The following MTREX variants were observed in gnomAD, a reference collection of about 807,000 sequenced individuals.
MTREX encodes the protein Mtr4 exosome RNA helicase, also known as exosome RNA helicase MTR4.
A neutral mutation model predicts 135.4 loss-of-function variants in MTREX; 76 were observed. The observed-to-expected ratio is 0.56, with a 90% CI of 0.47 to 0.68. The LOEUF (loss-of-function observed/expected upper bound fraction) is 0.68. MTREX is among the 30% of genes least tolerant of loss of function. The probability of loss-of-function intolerance (pLI) is 0.00; values close to 1 mark genes in which losing one functional copy is unlikely to be tolerated. For missense variants in MTREX, 920 were observed against 1,262.1 expected (o/e 0.73, Z 4.11); for synonymous variants, 404 against 401.6 (o/e 1.01, Z -0.07).
intron 15 of MTREX, among the ~76,000 whole-genome samples, chr5:55,361,986 G>A (rs1024248826): frequency 6.6e-6 from 1 of 151,568 alleles, no homozygotes; most frequent in Admixed American, 6.6e-5. Flanking sequence ...GTGCAGTCTC[G>A]GCTCACTGCA....
chr5:55,313,311 G>A (rs965253054), intron 1 of MTREX, among the ~76,000 whole-genome samples: 5 of 151,558 alleles, frequency 3.3e-5, no homozygotes, highest in African/African-American at 1.2e-4. Context: ...CTTGTGGCAT[G>A]CACCTGTAGT....
intron 16 of MTREX, among the ~76,000 whole-genome samples, chr5:55,375,755 T>C (rs1218818142): frequency 1.3e-5 from 2 of 152,144 alleles, no homozygotes; most frequent in Non-Finnish European, 2.9e-5. Flanking sequence ...ATCTTTACAA[T>C]TTATGTTTAG....
At chr5:55,333,657 AG>A (rs1480239255) in intron 5 of MTREX, among the ~76,000 whole-genome samples, 110 of 152,262 alleles carry the variant, frequency 7.2e-4, no homozygotes, top group African/African-American at 2.6e-3. Context: ...AAACCTGATG[AG>A]GTTGGCTGTG....
intron 7 of MTREX, among the ~76,000 whole-genome samples, chr5:55,343,050 C>T (rs931902719): frequency 6.6e-6 from 1 of 152,176 alleles, no homozygotes; most frequent in African/African-American, 2.4e-5. Flanking sequence ...GCTGCCTTGT[C>T]ATTGAGGCTC....
chr5:55,344,997 C>A, intron 9 of MTREX, 97 bp from the exon 10 acceptor site: 1 of 722,432 alleles, frequency 1.4e-6, no homozygotes, highest in Non-Finnish European at 2.3e-6. Context: ...CATTATTATA[C>A]TAAATTATTT....
At chr5:55,311,241 G>T (rs1386837904) in intron 1 of MTREX, among the ~76,000 whole-genome samples, 3 of 151,666 alleles carry the variant, frequency 2.0e-5, no homozygotes, top group Non-Finnish European at 2.9e-5. Flanking sequence ...AATGCAAGTT[G>T]TTTTTTCTCC....
intron 16 of MTREX, among the ~76,000 whole-genome samples, chr5:55,367,353 G>A (rs1315410353): frequency 1.3e-5 from 2 of 152,082 alleles, no homozygotes; most frequent in Admixed American, 6.5e-5. Flanking sequence ...GGGCATGGTG[G>A]TGGGCTTCTG....
chr5:55,378,499 T>C lies in MTREX; in HGVS notation c.1983+13T>C. ...TCGTTTGGTAAAGGTATGTCATTGTTTCTTCATAAAATACTTGAATAATTC... is the reference window on the plus strand; with the variant it reads ...TCGTTTGGTAAAGGTATGTCATTGTCTCTTCATAAAATACTTGAATAATTC... On this transcript the variant is annotated intron_variant, in intron 17 of 26. Transcript: ENST00000230640. 2 of 1,591,234 alleles carry C rather than the reference T, an allele frequency of 1.3e-6. No homozygotes were observed. The highest frequency in any genetic ancestry group is 1.7e-6 in the Non-Finnish European group (2 of 1,173,520).
chr5:55,366,512 C>A (rs1020488307), intron 15 of MTREX, among the ~76,000 whole-genome samples: 3 of 152,126 alleles, frequency 2.0e-5, no homozygotes, highest in Non-Finnish European at 2.9e-5. Context: ...ATTTGGCAAA[C>A]AGTATTTTAA....
chr5:55,360,193 G>A (rs369798499), intron 15 of MTREX, among the ~76,000 whole-genome samples: 1 of 152,092 alleles, frequency 6.6e-6, no homozygotes, highest in Non-Finnish European at 1.5e-5. Context: ...AAACAGACTC[G>A]TATAATGTGT....
chr5:55,399,377 G>A (rs1312081989), intron 20 of MTREX, among the ~76,000 whole-genome samples: 1 of 152,172 alleles, frequency 6.6e-6, no homozygotes, highest in African/African-American at 2.4e-5. Flanking sequence ...AAGTTTCTCA[G>A]TAGGATACCA....
chr5:55,346,955 A>G, intron 10 of MTREX, 58 bp from the exon 11 acceptor site: 3 of 1,404,302 alleles, frequency 2.1e-6, no homozygotes, highest in South Asian at 1.4e-5. Flanking sequence ...TAGCTTTTAA[A>G]TTTAGATCTG....
chr5:55,363,468 T>C (rs112466882), intron 15 of MTREX, among the ~76,000 whole-genome samples: 1 of 150,532 alleles, frequency 6.6e-6, no homozygotes, highest in Non-Finnish European at 1.5e-5. Context: ...CTTCGAAGTT[T>C]TCCTGGAATC....
chr5:55,375,069 C>G (rs1750273297), intron 16 of MTREX, among the ~76,000 whole-genome samples: 1 of 152,098 alleles, frequency 6.6e-6, no homozygotes, highest in South Asian at 2.1e-4. Flanking sequence ...AGGTGTGGGT[C>G]ACAGACATCA....
At position 55,425,147 on chromosome 5, in the gene MTREX, TG is replaced by T; in HGVS notation, c.*376del. On this transcript the variant is annotated 3_prime_UTR_variant, in exon 27 of 27. Transcript: ENST00000230640. ...GGAAGAAAGATGCATCCTCTTGCCT[TG>T]TGGCAATCATTTTCCTTTAGAAAAC... 6.4e-7 allele frequency: 1 copy of T among 1,567,518 alleles called. No individual in the cohort carries two copies. Among genetic ancestry groups the T allele is most frequent in the Non-Finnish European group, 8.6e-7 (1 of 1,156,886 alleles).
chr5:55,312,917 A>G (rs1201191505), intron 1 of MTREX, among the ~76,000 whole-genome samples: 3 of 152,170 alleles, frequency 2.0e-5, no homozygotes, highest in African/African-American at 7.2e-5. Flanking sequence ...CCACATCTCT[A>G]AGGAGTCTCT....
rs150864684 is a variant in MTREX at position 55,409,286 on chromosome 5, C to G, written c.2646-1238C>G. ...TATATATATATATGAGATTATTATT[C>G]ATGTAATCATTCAACAGAAAGGGCC... On this transcript the variant is annotated intron_variant, in intron 22 of 26. Transcript: ENST00000230640. Among the ~76,000 whole-genome samples the G allele has an allele frequency of 2.0e-3, 307 of 152,118 alleles. 2 individuals carry two copies. The highest frequency in any genetic ancestry group is 7.3e-3 in the African/African-American group (301 of 41,510).
intron 2 of MTREX, among the ~76,000 whole-genome samples, chr5:55,323,403 G>A (rs1024122935): frequency 1.3e-5 from 2 of 152,054 alleles, no homozygotes; most frequent in Middle Eastern, 3.4e-3. Context: ...ATAGCATAAT[G>A]TAGGATTTTG....
chr5:55,362,800 G>T (rs1750038886), intron 15 of MTREX, among the ~76,000 whole-genome samples: 1 of 152,182 alleles, frequency 6.6e-6, no homozygotes, highest in African/African-American at 2.4e-5. Flanking sequence ...AGAAAGACTG[G>T]TGAATGCATC....
Sources: allele counts gnomAD v4.1 joint callset (sites outside exome capture counted in the v4.1 genomes callset), GRCh38; gene constraint gnomAD v4.1.1; transcripts MANE v1.5; gene names NCBI Gene and HGNC (gene_info 2026-07-23, HGNC 2026-07-21).